Variants in MDN1 observed in about 807,000 individuals in gnomAD.
The protein encoded by MDN1 is midasin AAA ATPase 1.
MDN1 carries 266 observed loss-of-function variants against 669.2 expected under a neutral mutation model. The ratio of observed to expected loss-of-function variants is 0.40; its 90% CI spans 0.36 to 0.44. MDN1 has a LOEUF of 0.44. Ranked by LOEUF, MDN1 falls within the 20% of genes least tolerant of loss-of-function variation. The pLI is 1.00. For synonymous variants in MDN1, 2,385 were observed against 2,457.1 expected (o/e 0.97, Z 0.87); for missense variants, 5,940 against 6,754.0 (o/e 0.88, Z 4.22).
In MDN1 at chr6:89,643,528, T is replaced by C. The variant is rs1016087542; in HGVS notation, c.*477A>G. The C allele has an allele frequency of 1.9e-5, 3 of 153,862 alleles. No homozygotes were observed. The highest frequency in any genetic ancestry group is 4.1e-4 in the South Asian group (2 of 4,904). 9.5% of individuals were successfully genotyped at this position (153,862 alleles called of 1,614,324 possible). A position where few individuals can be genotyped will look rare whatever the true frequency, so the allele number is the denominator to read the frequency against. ...CCTCATACTCTCCAGAAACGAGCTG[T>C]CTTGGCCACTTGACAGCTTTTGGGC... On this transcript the variant is annotated 3_prime_UTR_variant, in exon 102 of 102. Transcript: ENST00000369393.
At chr6:89,702,877 T>C (rs1813246987) in intron 53 of MDN1, among the ~76,000 whole-genome samples, 1 of 152,140 alleles carries the variant, frequency 6.6e-6, no homozygotes, top group South Asian at 2.1e-4. Flanking sequence ...GTCAGTTCTA[T>C]TTTTAAAGGT....
Position 89,680,613 on chromosome 6 carries a change from C to T in MDN1, c.12241G>A (p.Val4081Met), listed in dbSNP as rs778332731. ...FMKESPLPRL[V>M]EGLDQFTGEV... is the part of the protein sequence containing the mutation. ...CCTGTGAACTGATCAAGGCCCTCCA[C>T]AAGGCGAGGCAGGGGGCTCTCCTTC... is the stretch of plus-strand genomic sequence containing the variant. Residue 4081 changes from valine (V) to methionine (M), a missense_variant, in exon 74 of 102, where the codon GTG becomes ATG. Around this residue, in one of 5 missense-constraint regions of MDN1, gnomAD observed 2,280 missense variants for 2,576.3 expected, o/e 0.88. Coordinates refer to ENST00000369393, the MANE Select transcript of MDN1 (RefSeq NM_014611.3). 1 of 1,614,192 alleles carries T rather than the reference C, an allele frequency of 6.2e-7. No individual in the cohort carries two copies. Among genetic ancestry groups the T allele is most frequent in the Non-Finnish European group, 8.5e-7 (1 of 1,180,016 alleles).
At position 89,747,487 on chromosome 6, in the gene MDN1, A is replaced by G. The variant is rs766399513; in HGVS notation, c.3763-17T>C. The G allele has an allele frequency of 1.9e-6, 3 of 1,607,536 alleles. No homozygotes were observed. In the South Asian group the frequency reaches 3.3e-5, roughly 18 times the overall value. ...GCGATAGGACTGTTGAAGTATCAAA[A>G]CAAATGAAAAGGGGCATCAGCTGCA... On this transcript the variant is annotated splice_polypyrimidine_tract_variant and intron_variant, in intron 26 of 101. Transcript: ENST00000369393.
chr6:89,685,735 C>T (rs1434856966), intron 70 of MDN1, 92 bp downstream of exon 70: 7 of 1,344,244 alleles, frequency 5.2e-6, no homozygotes, highest in East Asian at 2.4e-5. Flanking sequence ...TAAAACCTAG[C>T]GTGCAACAAG....
chr6:89,708,744 G>GA, intron 50 of MDN1, 116 bp from the exon 51 acceptor site: 2 of 1,138,868 alleles, frequency 1.8e-6, no homozygotes, highest in Admixed American at 3.9e-5. Context: ...TCATGATGGG[G>GA]AAGAGGTTGA....
chr6:89,687,553 T>G (rs984092318), intron 67 of MDN1, 115 bp from the exon 68 acceptor site: 3 of 744,790 alleles, frequency 4.0e-6, no homozygotes, highest in Non-Finnish European at 6.6e-6. Context: ...CTTAAACAAC[T>G]TGCACCAATT....
In MDN1 at chr6:89,692,725, C is replaced by G. The variant is rs1283628720; in HGVS notation, c.10305G>C (p.Leu3435=). 3 of 1,614,008 alleles carry G rather than the reference C, an allele frequency of 1.9e-6. No homozygotes were observed. The highest frequency in any genetic ancestry group is 2.5e-6 in the Non-Finnish European group (3 of 1,179,986). The change falls in exon 63 of 102, where the codon CTG becomes CTC. Residue 3435 remains leucine, a synonymous_variant. Coordinates refer to ENST00000369393, the MANE Select transcript of MDN1 (RefSeq NM_014611.3). ...ATGGGAAAGCCAGCAAGGCTGTGGC[C>G]AGGGTCCCCAGCCTGTCTGCACCAA... ...SMVGADRLGT[L]ATALLAFPSV... is the part of the protein sequence containing the mutation.
chr6:89,702,896 T>G lies in MDN1; in HGVS notation c.8149-835A>C, dbSNP rs1310218288. ...GTTCTATTTTTAAAGGTTTCATCCA[T>G]GTTGAGGTAACTACATATAATGTGA... is the stretch of plus-strand genomic sequence containing the variant. On this transcript the variant is annotated intron_variant, in intron 53 of 101. Coordinates refer to ENST00000369393, the MANE Select transcript of MDN1 (RefSeq NM_014611.3). Among the ~76,000 whole-genome samples, 3 of 152,082 alleles carry G rather than the reference T, an allele frequency of 2.0e-5. 1 individual carries two copies. Among genetic ancestry groups the G allele is most frequent in the East Asian group, 3.9e-4 (2 of 5,160 alleles).
Position 89,748,720 on chromosome 6 carries a change from A to T in MDN1, c.3762+503T>A, listed in dbSNP as rs760400048. Among the ~76,000 whole-genome samples, 79 of 107,836 alleles carry T rather than the reference A, an allele frequency of 7.3e-4. 1 individual carries two copies. Among genetic ancestry groups the T allele is most frequent in the African/African-American group, 2.2e-3 (75 of 33,410 alleles). The allele number at this position is 107,836 out of a possible 152,430, so 70.7% of individuals were successfully genotyped here. Reference sequence around the variant, plus strand: ...AATGATGTAAAATTGTTGATTGATTAAAAAAAAAAACTAAAAATATATATT... The same window carrying T: ...AATGATGTAAAATTGTTGATTGATTTAAAAAAAAAACTAAAAATATATATT... On this transcript the variant is annotated intron_variant, in intron 26 of 101. Coordinates refer to ENST00000369393, the MANE Select transcript of MDN1 (RefSeq NM_014611.3).
chr6:89,790,489 T>C, intron 5 of MDN1, 88 bp from the exon 6 acceptor site: 1 of 1,517,026 alleles, frequency 6.6e-7, no homozygotes. Context: ...TCTACTAACC[T>C]TACACAAACC....
intron 97 of MDN1, among the ~76,000 whole-genome samples, chr6:89,648,829 A>AG (rs1272783621): frequency 1.3e-5 from 2 of 150,894 alleles, no homozygotes; most frequent in African/African-American, 4.9e-5. Flanking sequence ...AAAAAAAAAA[A>AG]ACAATTTAGC....
intron 2 of MDN1, among the ~76,000 whole-genome samples, chr6:89,800,443 C>T (rs1158232938): frequency 5.9e-5 from 9 of 151,978 alleles, no homozygotes; most frequent in East Asian, 1.9e-4. Context: ...AAACAAACAA[C>T]GACAACAAAA....
At position 89,690,116 on chromosome 6, in the gene MDN1, T is replaced by C. The variant is rs144916492; in HGVS notation, c.10777A>G (p.Thr3593Ala). 270 of 1,614,208 alleles carry C rather than the reference T, an allele frequency of 1.7e-4. 2 individuals carry two copies. In the African/African-American group the frequency reaches 2.7e-3, roughly 16 times the overall value. ...KDFADILVQP[T>A]LEENKGTSDG... Reference sequence around the variant, plus strand: ...GAAGTTCCTTTGTTCTCCTCCAACGTTGGCTGCACCAAAATATCTGCAAAG... The same window carrying C: ...GAAGTTCCTTTGTTCTCCTCCAACGCTGGCTGCACCAAAATATCTGCAAAG... The change falls in exon 65 of 102, where the codon ACG becomes GCG. Residue 3593 changes from threonine to alanine, a missense_variant. Transcript: ENST00000369393.
At chr6:89,791,210 G>A (rs1819253415) in intron 5 of MDN1, among the ~76,000 whole-genome samples, 1 of 152,148 alleles carries the variant, frequency 6.6e-6, no homozygotes, top group Admixed American at 6.5e-5. Context: ...AGGTAGGGAA[G>A]AGCAAACCTC....
At chr6:89,744,113 A>C (rs1341257742) in intron 29 of MDN1, among the ~76,000 whole-genome samples, 11 of 142,390 alleles carry the variant, frequency 7.7e-5, no homozygotes, top group East Asian at 2.1e-4. Context: ...TAAAAAAAAA[A>C]AAAAAAAAAA....
intron 101 of MDN1, 38 bp downstream of exon 101, chr6:89,644,977 T>TAA: frequency 1.3e-6 from 2 of 1,564,350 alleles, no homozygotes; most frequent in Non-Finnish European, 1.7e-6. Flanking sequence ...GAATCCCCAC[T>TAA]TTACCTCCAG....
intron 49 of MDN1, among the ~76,000 whole-genome samples, 191 bp downstream of exon 49, chr6:89,711,845 G>T (rs1170117067): frequency 6.6e-6 from 1 of 152,158 alleles, no homozygotes; most frequent in Non-Finnish European, 1.5e-5. Flanking sequence ...GGAAACAAAA[G>T]TTTATCTTGT....
intron 38 of MDN1, among the ~76,000 whole-genome samples, chr6:89,724,060 T>G (rs1165908125): frequency 6.6e-6 from 1 of 151,948 alleles, no homozygotes; most frequent in African/African-American, 2.4e-5. Flanking sequence ...GGAGAATTGC[T>G]TGCTCCCAGG....
At chr6:89,772,325 G>T (rs1360983089) in intron 14 of MDN1, among the ~76,000 whole-genome samples, 4 of 152,082 alleles carry the variant, frequency 2.6e-5, no homozygotes, top group Admixed American at 2.6e-4. Flanking sequence ...GCAATATGTA[G>T]AACATAATCC....
Sources: gnomAD v4.1 joint callset for allele counts (sites outside exome capture counted in the v4.1 genomes callset) on GRCh38, gnomAD v4.1.1 for gene constraint, gnomAD v4.1.1 regional missense constraint, MANE v1.5 for transcripts, NCBI Gene and HGNC (gene_info 2026-07-23, HGNC 2026-07-21) for gene names.